Variants in ANTXR2 observed in about 807,000 individuals in gnomAD.
The protein encoded by ANTXR2 is ANTXR cell adhesion molecule 2.
A neutral mutation model predicts 73.7 loss-of-function variants in ANTXR2; 44 were observed. The ratio of observed to expected loss-of-function variants is 0.60; its 90% confidence interval spans 0.47 to 0.77. The LOEUF (loss-of-function observed/expected upper bound fraction) is 0.77, where lower values mean the gene tolerates loss of function less well. Among genes scored for constraint, ANTXR2 ranks in the 30% least tolerant of loss-of-function variants. The probability of loss-of-function intolerance (pLI) is 0.00; values close to 1 mark genes in which losing one functional copy is unlikely to be tolerated. For synonymous variants in ANTXR2, 217 were observed against 205.9 expected (o/e 1.05, Z -0.46); for missense variants, 604 against 592.5 (o/e 1.02, Z -0.20).
intron 16 of ANTXR2, among the ~76,000 whole-genome samples, chr4:79,960,365 A>T (rs1729097850): frequency 6.6e-6 from 1 of 152,194 alleles, no homozygotes; most frequent in Admixed American, 6.6e-5. Context: ...ACTAAGAAGC[A>T]TTATGGGAAC....
chr4:80,003,610 G>C (rs937271588), intron 12 of ANTXR2, among the ~76,000 whole-genome samples: 2 of 151,846 alleles, frequency 1.3e-5, no homozygotes, highest in African/African-American at 2.4e-5. Flanking sequence ...AATACATTTA[G>C]AGCCATTTCA....
intron 10 of ANTXR2, among the ~76,000 whole-genome samples, chr4:80,029,658 A>G (rs997686864): frequency 2.0e-5 from 3 of 152,026 alleles, no homozygotes; most frequent in Admixed American, 6.6e-5. Flanking sequence ...TGAAAAAGGT[A>G]TACAGGTTAC....
At chr4:80,011,311 CT>C (rs767310941) in intron 11 of ANTXR2, among the ~76,000 whole-genome samples, 4 of 140,584 alleles carry the variant, frequency 2.8e-5, no homozygotes, top group Non-Finnish European at 6.4e-5. Context: ...ATCTATCTAT[CT>C]ATCTGTCTAT....
chr4:79,945,877 AT>A (rs1300533049), intron 16 of ANTXR2, among the ~76,000 whole-genome samples: 3 of 151,926 alleles, frequency 2.0e-5, no homozygotes, highest in East Asian at 1.9e-4. Flanking sequence ...ATGGTCCTAA[AT>A]TTTTTTTTAA....
At chr4:80,013,433 T>G (rs1030890025) in intron 11 of ANTXR2, among the ~76,000 whole-genome samples, 2 of 152,198 alleles carry the variant, frequency 1.3e-5, no homozygotes. Flanking sequence ...AAGGCCTCAA[T>G]AGGACTGAGC....
At chr4:80,020,296 G>A (rs1039688496) in intron 10 of ANTXR2, among the ~76,000 whole-genome samples, 5 of 152,090 alleles carry the variant, frequency 3.3e-5, no homozygotes, top group African/African-American at 1.2e-4. Flanking sequence ...TGTGGCAGGA[G>A]GATCGCTTGA....
At chr4:79,994,432 A>G (rs1424958882) in intron 12 of ANTXR2, among the ~76,000 whole-genome samples, 2 of 152,066 alleles carry the variant, frequency 1.3e-5, no homozygotes, top group Non-Finnish European at 2.9e-5. Flanking sequence ...AAAAAGGTCA[A>G]GGTACATCCT....
intron 16 of ANTXR2, among the ~76,000 whole-genome samples, chr4:79,953,088 T>C (rs1360791564): frequency 6.6e-6 from 1 of 152,114 alleles, no homozygotes; most frequent in Non-Finnish European, 1.5e-5. Context: ...GGACCTAGTG[T>C]TGAAGGCAGG....
At chr4:80,056,045 A>G in intron 3 of ANTXR2, 32 bp from the exon 4 acceptor site, 1 of 1,402,126 alleles carries the variant, frequency 7.1e-7, no homozygotes, top group Non-Finnish European at 9.6e-7. Flanking sequence ...AGAAAAAATG[A>G]GCAAAGAGCA....
intron 16 of ANTXR2, among the ~76,000 whole-genome samples, chr4:79,916,906 G>T (rs748171084): frequency 1.8e-4 from 27 of 152,204 alleles, no homozygotes; most frequent in Non-Finnish European, 3.7e-4. Flanking sequence ...AAAATAATTC[G>T]TTTGAAAATA....
intron 7 of ANTXR2, among the ~76,000 whole-genome samples, chr4:80,053,812 T>C (rs1028985337): frequency 1.6e-4 from 24 of 151,872 alleles, no homozygotes; most frequent in African/African-American, 5.8e-4. Flanking sequence ...AAACTATTAA[T>C]CATTTAAATG....
intron 10 of ANTXR2, among the ~76,000 whole-genome samples, chr4:80,030,285 A>C (rs1320364480): frequency 6.6e-6 from 1 of 152,098 alleles, no homozygotes; most frequent in Non-Finnish European, 1.5e-5. Flanking sequence ...TAAAATGGAA[A>C]ATACAGTTTG....
chr4:79,944,569 G>T (rs1046991984), intron 16 of ANTXR2, among the ~76,000 whole-genome samples: 1 of 151,168 alleles, frequency 6.6e-6, no homozygotes, highest in Non-Finnish European at 1.5e-5. Context: ...ACAAATAAAA[G>T]GTATTTTTTT....
At chr4:79,908,079 C>A (rs892601279) in intron 16 of ANTXR2, among the ~76,000 whole-genome samples, 11 of 152,186 alleles carry the variant, frequency 7.2e-5, no homozygotes, top group Admixed American at 1.3e-4. Flanking sequence ...TTTCTTAACA[C>A]TTCTGTGAAG....
At chr4:79,960,714 G>A (rs1729109073) in intron 16 of ANTXR2, among the ~76,000 whole-genome samples, 1 of 151,566 alleles carries the variant, frequency 6.6e-6, no homozygotes. Flanking sequence ...AATTATATCA[G>A]TTTCAAAATT....
rs1560867003 is a variant in ANTXR2, at chr4:79,926,931, A to ATGTGCATATATGTGTATATATACG, written c.1429-19488_1429-19465dup. ...TGTGCATATATGTGTATATATACAC[A>ATGTGCATATATGTGTATATATACG]TGTGCATATATGTGTATATATACGT... On this transcript the variant is annotated intron_variant, in intron 16 of 16. Coordinates refer to ENST00000403729, the MANE Select transcript of ANTXR2 (RefSeq NM_058172.6). 1.0e-4 allele frequency among the ~76,000 whole-genome samples: 12 copies of ATGTGCATATATGTGTATATATACG among 118,630 alleles called. No homozygotes were observed. In the South Asian group the frequency reaches 2.5e-3, roughly 24 times the overall value. The allele number at this position is 118,630 out of a possible 152,430, so 77.8% of individuals were successfully genotyped here.
intron 12 of ANTXR2, among the ~76,000 whole-genome samples, chr4:79,987,274 GAA>G (rs58238337): frequency 0.15 from 18,051 of 118,426 alleles, 2,009 homozygotes; most frequent in East Asian, 0.66. Context: ...GCCATTTTAA[GAA>G]AAAAAAAAAA....
chr4:79,944,076 CA>C lies in ANTXR2; in HGVS notation c.1428+33544del, dbSNP rs1189925737. ...TAATTAAAACCTTCCAGAGGCTTTG[CA>C]AAGCCTAATATCATTGGTAGTGCTG... On this transcript the variant is annotated intron_variant, in intron 16 of 16. Transcript: ENST00000403729. 9.5e-5 allele frequency among the ~76,000 whole-genome samples: 12 copies of C among 125,918 alleles called. No homozygotes were observed. In the South Asian group the frequency reaches 3.9e-3, roughly 41 times the overall value. The allele number at this position is 125,918 out of a possible 152,430, so 82.6% of individuals were successfully genotyped here.
chr4:80,003,161 CA>C (rs939012626), intron 12 of ANTXR2, among the ~76,000 whole-genome samples: 4 of 152,152 alleles, frequency 2.6e-5, no homozygotes, highest in Non-Finnish European at 5.9e-5. Flanking sequence ...GGAACCAACG[CA>C]AATGTCCATG....
Sources: gnomAD v4.1 joint callset for allele counts (sites outside exome capture counted in the v4.1 genomes callset) on GRCh38, gnomAD v4.1.1 for gene constraint, MANE v1.5 for transcripts, NCBI Gene and HGNC (gene_info 2026-07-23, HGNC 2026-07-21) for gene names.